Variants in CCDC85C observed in about 807,000 individuals in gnomAD.
CCDC85C encodes coiled-coil domain-containing protein 85C.
Under a neutral mutation model 38.3 loss-of-function variants are expected in CCDC85C, and 18 were observed. The observed-to-expected ratio is 0.47, with a 90% CI of 0.33 to 0.70. CCDC85C has a LOEUF of 0.70. Ranked by LOEUF, CCDC85C falls within the 30% of genes least tolerant of loss-of-function variation. The pLI is 0.03. For missense variants in CCDC85C, 566 were observed against 621.2 expected (o/e 0.91, Z 0.94); for synonymous variants, 264 against 293.8 (o/e 0.90, Z 1.04).
intron 2 of CCDC85C, among the ~76,000 whole-genome samples, chr14:99,524,544 G>T (rs1396325936): frequency 6.6e-6 from 1 of 152,172 alleles, no homozygotes; most frequent in Non-Finnish European, 1.5e-5. Flanking sequence ...ATAAACATTT[G>T]CATGTCCATA....
chr14:99,538,233 C>T (rs1158622176), intron 1 of CCDC85C, among the ~76,000 whole-genome samples: 8 of 151,854 alleles, frequency 5.3e-5, no homozygotes, highest in Admixed American at 5.2e-4. Context: ...GCCTTCCAGC[C>T]CCTCTCCCCA....
chr14:99,560,128 C>T (rs1054758876), intron 1 of CCDC85C, among the ~76,000 whole-genome samples: 5 of 152,188 alleles, frequency 3.3e-5, no homozygotes, highest in African/African-American at 1.2e-4. Flanking sequence ...GCTCCCTGGA[C>T]ACCAGGGAAA....
At position 99,548,866 on chromosome 14, in the gene CCDC85C, A is replaced by C. The variant is rs982697268; in HGVS notation, c.794-12778T>G. Among the ~76,000 whole-genome samples the C allele has an allele frequency of 1.3e-5, 2 of 152,200 alleles. No homozygotes were observed. The highest frequency in any genetic ancestry group is 1.3e-4 in the Admixed American group (2 of 15,278). On this transcript the variant is annotated intron_variant, in intron 1 of 5. Transcript: ENST00000380243. This position sits in a 1 kb window ranked among gnomAD's most constrained non-coding sequence, Gnocchi z 4.9. Reference sequence around the variant, plus strand: ...CCAAATACATCTCAAAAACATGAAGAGGATGGGGGCAAGTCACTGAGGGAC... The same window carrying C: ...CCAAATACATCTCAAAAACATGAAGCGGATGGGGGCAAGTCACTGAGGGAC...
chr14:99,562,210 C>CG (rs1898130799), intron 1 of CCDC85C, among the ~76,000 whole-genome samples: 1 of 152,168 alleles, frequency 6.6e-6, no homozygotes, highest in African/African-American at 2.4e-5. Context: ...CCTCTGCCCC[C>CG]GGGCCTATGC....
In CCDC85C at chr14:99,526,122, T is replaced by C. The variant is rs200543124; in HGVS notation, c.868-3882A>G. Among the ~76,000 whole-genome samples the C allele has an allele frequency of 1.9e-4, 29 of 152,212 alleles. No homozygotes were observed. The East Asian group carries it at 3.9e-3, about 20-fold the overall frequency. On this transcript the variant is annotated intron_variant, in intron 2 of 5. Transcript: ENST00000380243. ...CAGGGAGAGGACCCCAACACAGGCC[T>C]CCCCCAGCCCAGACTCTCCTGGGTC...
In CCDC85C at chr14:99,506,482, A is replaced by G. The variant is rs3918105; in HGVS notation, c.*8764T>C. The stretch of plus-strand genomic sequence containing the variant: ...AGGGTGGGCTGTTTCCTCCACCTCA[A>G]GGGGTCCTGACTGCTGGGCTTTTGT... On this transcript the variant is annotated 3_prime_UTR_variant, in exon 6 of 6. Coordinates refer to ENST00000380243, the MANE Select transcript of CCDC85C (RefSeq NM_001144995.2). The G allele has an allele frequency of 2.8e-3, 431 of 153,228 alleles. No individual in the cohort carries two copies. Among genetic ancestry groups the G allele is most frequent in the Non-Finnish European group, 5.3e-3 (362 of 68,700 alleles). 9.5% of individuals were successfully genotyped at this position (153,228 alleles called of 1,614,324 possible).
intron 1 of CCDC85C, among the ~76,000 whole-genome samples, chr14:99,581,504 G>A (rs2054968572): frequency 6.6e-6 from 1 of 152,224 alleles, no homozygotes; most frequent in South Asian, 2.1e-4. Context: ...CTCCACGGGT[G>A]GGCAGAAACC....
chr14:99,553,194 C>T lies in CCDC85C; in HGVS notation c.794-17106G>A, dbSNP rs7151472. On this transcript the variant is annotated intron_variant, in intron 1 of 5. Transcript: ENST00000380243. ...GAAGGATGAGGCCCCCTCACTGAGCCGCCGAGAGGATGCTGGATAGATTCC... is the reference window on the plus strand; with the variant it reads ...GAAGGATGAGGCCCCCTCACTGAGCTGCCGAGAGGATGCTGGATAGATTCC... Among the ~76,000 whole-genome samples the T allele has an allele frequency of 6.2e-3, 949 of 152,322 alleles. 8 individuals are homozygous for T. The highest frequency in any genetic ancestry group is 0.022 in the African/African-American group (903 of 41,566).
At position 99,603,068 on chromosome 14, in the gene CCDC85C, G is replaced by C. The variant is rs1362408605; in HGVS notation, c.793+99C>G. ...GCTGGAGGAGTCTGGAGTGGCGGCC[G>C]CATGAGTGGGACAGCCAGGGACCAC... On this transcript the variant is annotated intron_variant, in intron 1 of 5. Transcript: ENST00000380243. This position sits in a 1 kb window ranked among gnomAD's most constrained non-coding sequence, Gnocchi z 7.5. 1.6e-6 allele frequency: 2 copies of C among 1,243,098 alleles called. No homozygotes were observed. The highest frequency in any genetic ancestry group is 6.3e-5 in the East Asian group (2 of 31,594). The allele number at this position is 1,243,098 out of a possible 1,614,324, so 77.0% of individuals were successfully genotyped here.
In CCDC85C at chr14:99,502,155, A is replaced by G; in HGVS notation, c.*13091T>C. 6.6e-7 allele frequency: 1 copy of G among 1,515,200 alleles called. No individual in the cohort carries two copies. Among genetic ancestry groups the G allele is most frequent in the Non-Finnish European group, 8.9e-7 (1 of 1,129,524 alleles). 93.9% of individuals were successfully genotyped at this position (1,515,200 alleles called of 1,614,324 possible). The stretch of plus-strand genomic sequence containing the variant: ...TATGGCATCTCCATGCACTGGTTTA[A>G]TCATAAATATTAGATCATATTATCT... On this transcript the variant is annotated 3_prime_UTR_variant, in exon 6 of 6. Coordinates refer to ENST00000380243, the MANE Select transcript of CCDC85C (RefSeq NM_001144995.2).
In CCDC85C at chr14:99,588,572, C is replaced by A. The variant is rs1370396839; in HGVS notation, c.793+14595G>T. On this transcript the variant is annotated intron_variant, in intron 1 of 5. Transcript: ENST00000380243. This position sits in a 1 kb window ranked among gnomAD's most constrained non-coding sequence, Gnocchi z 5.0. ...TATTCTGCTCCTGCTGGCGATGGCGCTGGCCCGGGAGGCCTGAGGAAGCGA... is the reference window on the plus strand; with the variant it reads ...TATTCTGCTCCTGCTGGCGATGGCGATGGCCCGGGAGGCCTGAGGAAGCGA... 6.6e-6 allele frequency among the ~76,000 whole-genome samples: 1 copy of A among 152,122 alleles called. No individual in the cohort carries two copies. Among genetic ancestry groups the A allele is most frequent in the African/African-American group, 2.4e-5 (1 of 41,428 alleles).
chr14:99,579,932 AGTCCAAGACTTTGGGAGTCTTGGCCAGG>A, intron 1 of CCDC85C: 2 of 249,896 alleles, frequency 8.0e-6, no homozygotes, highest in South Asian at 6.9e-5. Context: ...CGTCTGGCTC[AGTCCAAGACTTTGGGAGTCTTGGCCAGG>A]GTAGGGCATT....
At chr14:99,521,081 G>C (rs1387302701) in intron 3 of CCDC85C, among the ~76,000 whole-genome samples, 1 of 152,222 alleles carries the variant, frequency 6.6e-6, no homozygotes, top group African/African-American at 2.4e-5. Flanking sequence ...TCAGGACATA[G>C]CACTGAGTAA....
intron 1 of CCDC85C, among the ~76,000 whole-genome samples, chr14:99,598,917 GC>G (rs2055171123): frequency 1.3e-5 from 2 of 152,168 alleles, no homozygotes; most frequent in Non-Finnish European, 2.9e-5. Context: ...TGGGTCACCT[GC>G]CTGGGAGCCT....
In CCDC85C at chr14:99,510,178, C is replaced by T; in HGVS notation, c.*5068G>A. On this transcript the variant is annotated 3_prime_UTR_variant, in exon 6 of 6. Coordinates refer to ENST00000380243, the MANE Select transcript of CCDC85C (RefSeq NM_001144995.2). ...GCAGACCGGAAGCCTCCCCTCGCTG[C>T]TGCCTTAGGTGAGGCTGAGCCGCCG... 6.3e-7 allele frequency: 1 copy of T among 1,598,928 alleles called. No homozygotes were observed. The highest frequency in any genetic ancestry group is 8.5e-7 in the Non-Finnish European group (1 of 1,175,916).
intron 1 of CCDC85C, among the ~76,000 whole-genome samples, chr14:99,581,667 T>C (rs2054971603): frequency 6.6e-6 from 1 of 152,212 alleles, no homozygotes; most frequent in South Asian, 2.1e-4. Flanking sequence ...CCAGGGGGAT[T>C]TCTCAATGGG....
chr14:99,573,815 C>T (rs1021786509), intron 1 of CCDC85C, among the ~76,000 whole-genome samples: 4 of 152,190 alleles, frequency 2.6e-5, no homozygotes, highest in Non-Finnish European at 5.9e-5. Flanking sequence ...AATCCCTCTG[C>T]CCCTGCCCTG....
chr14:99,590,714 C>A (rs993617394), intron 1 of CCDC85C, among the ~76,000 whole-genome samples: 1 of 152,232 alleles, frequency 6.6e-6, no homozygotes, highest in African/African-American at 2.4e-5. Context: ...CAGCCAAGTC[C>A]TAGCAGGGGA....
In CCDC85C at chr14:99,515,765, G is replaced by C. The variant is rs147544911; in HGVS notation, c.1170+423C>G. Among the ~76,000 whole-genome samples, 67 of 152,232 alleles carry C rather than the reference G, an allele frequency of 4.4e-4. 1 individual carries two copies. In the East Asian group the frequency reaches 0.011, roughly 25 times the overall value. ...AGCTCTCCTGGGCAGCCCCAGCCTG[G>C]TGGGCTGGAGGGTTCCACCTGGACC... On this transcript the variant is annotated intron_variant, in intron 5 of 5. Transcript: ENST00000380243.
Sources: allele counts gnomAD v4.1 joint callset (sites outside exome capture counted in the v4.1 genomes callset), GRCh38; gene constraint gnomAD v4.1.1; non-coding constraint Gnocchi (gnomAD v3.1); transcripts MANE v1.5; gene names NCBI Gene and HGNC (gene_info 2026-07-23, HGNC 2026-07-21).